GFOD1: variants seen among roughly 807,000 people sequenced by gnomAD.
GFOD1 encodes glucose-fructose oxidoreductase domain-containing protein 1.
Under a neutral mutation model 25.4 loss-of-function variants are expected in GFOD1, and 9 were observed. The observed-to-expected ratio is 0.35, with a 90% CI of 0.21 to 0.62. The LOEUF (loss-of-function observed/expected upper bound fraction) is 0.62. Ranked by LOEUF, GFOD1 falls within the 20% of genes least tolerant of loss-of-function variation. The pLI is 0.72. For synonymous variants in GFOD1, 253 were observed against 245.6 expected (o/e 1.03, Z -0.28); for missense variants, 403 against 556.9 (o/e 0.72, Z 2.78).
At chr6:13,415,286 G>C (rs149560497) in intron 1 of GFOD1, among the ~76,000 whole-genome samples, 2 of 152,172 alleles carry the variant, frequency 1.3e-5, no homozygotes, top group African/African-American at 4.8e-5. Context: ...TCTAGAATGT[G>C]CTTGCCTGTG....
At chr6:13,392,173 C>T (rs1047560410) in intron 1 of GFOD1, among the ~76,000 whole-genome samples, 3 of 151,670 alleles carry the variant, frequency 2.0e-5, no homozygotes, top group Non-Finnish European at 4.4e-5. Context: ...CCAGCCTGGG[C>T]GACACAACAA....
intron 1 of GFOD1, among the ~76,000 whole-genome samples, chr6:13,445,983 G>A (rs759696356): frequency 2.2e-4 from 33 of 152,212 alleles, no homozygotes; most frequent in Non-Finnish European, 3.5e-4. Flanking sequence ...GTGGCAGGAG[G>A]AAGGTTAGAG....
intron 1 of GFOD1, among the ~76,000 whole-genome samples, chr6:13,368,581 G>A (rs9463696): frequency 0.053 from 8,126 of 152,238 alleles, 716 homozygotes; most frequent in African/African-American, 0.18. Context: ...CACCCATTGG[G>A]TGTAGGCTCT....
intron 1 of GFOD1, among the ~76,000 whole-genome samples, chr6:13,454,214 G>A (rs144760821): frequency 1.1e-3 from 165 of 152,256 alleles, no homozygotes; most frequent in African/African-American, 3.7e-3. Context: ...CTCCCTCACA[G>A]CCCTCAGAAG....
chr6:13,404,343 A>C (rs1443684282), intron 1 of GFOD1, among the ~76,000 whole-genome samples: 1 of 152,248 alleles, frequency 6.6e-6, no homozygotes, highest in African/African-American at 2.4e-5. Flanking sequence ...GCAGCCAGCC[A>C]GGAAGACCGA....
Position 13,430,319 on chromosome 6 carries a change from C to T in GFOD1, c.253+56319G>A, listed in dbSNP as rs988960004. ...GGGCATGGTGGCACACATCTATAAT[C>T]CCAGCTACTTGGGAAGCTGAGGCAG... On this transcript the variant is annotated intron_variant, in intron 1 of 1. Coordinates refer to ENST00000379287, the MANE Select transcript of GFOD1 (RefSeq NM_018988.4). This position sits in a 1 kb window ranked among gnomAD's most constrained non-coding sequence, Gnocchi z 4.1. 1.2e-4 allele frequency among the ~76,000 whole-genome samples: 18 copies of T among 152,090 alleles called. No individual in the cohort carries two copies. Among genetic ancestry groups the T allele is most frequent in the Non-Finnish European group, 2.9e-5 (2 of 68,018 alleles).
intron 1 of GFOD1, chr6:13,470,189 A>G: frequency 6.3e-7 from 1 of 1,577,460 alleles, no homozygotes. Flanking sequence ...GCGCGCGATG[A>G]ACGCATCTAT....
chr6:13,470,835 ACT>A lies in GFOD1; in HGVS notation c.253+15801_253+15802del, dbSNP rs1584671472. Among the ~76,000 whole-genome samples, 5 of 152,228 alleles carry A rather than the reference ACT, an allele frequency of 3.3e-5. No homozygotes were observed. The East Asian group carries it at 9.6e-4, about 29-fold the overall frequency. ...CACACTGTAGTGTGTGTGCACTCAC[ACT>A]CTCACAAATGCACACTTACCTCTCC... On this transcript the variant is annotated intron_variant, in intron 1 of 1. Coordinates refer to ENST00000379287, the MANE Select transcript of GFOD1 (RefSeq NM_018988.4).
chr6:13,372,884 AT>A (rs1785178408), intron 1 of GFOD1, among the ~76,000 whole-genome samples: 1 of 152,130 alleles, frequency 6.6e-6, no homozygotes, highest in African/African-American at 2.4e-5. Flanking sequence ...ACAGCCCCTT[AT>A]CTTCTAGAAG....
chr6:13,375,420 G>A (rs552485082), intron 1 of GFOD1, among the ~76,000 whole-genome samples: 75 of 152,306 alleles, frequency 4.9e-4, no homozygotes, highest in Non-Finnish European at 9.1e-4. Context: ...AAACCAGGGC[G>A]GTGGGGATGG....
At chr6:13,428,713 G>A (rs563356395) in intron 1 of GFOD1, among the ~76,000 whole-genome samples, 59 of 152,256 alleles carry the variant, frequency 3.9e-4, no homozygotes, top group Non-Finnish European at 5.3e-4. Flanking sequence ...AGGGCGGGCG[G>A]CAGGAGTACT....
At chr6:13,422,590 T>C (rs1562214257) in intron 1 of GFOD1, among the ~76,000 whole-genome samples, 1 of 152,252 alleles carries the variant, frequency 6.6e-6, no homozygotes, top group Non-Finnish European at 1.5e-5. Context: ...TACGTGTCTC[T>C]ACTCCAATCC....
chr6:13,425,189 A>C (rs535230030), intron 1 of GFOD1, among the ~76,000 whole-genome samples: 4 of 151,924 alleles, frequency 2.6e-5, no homozygotes, highest in Non-Finnish European at 5.9e-5. Context: ...CAAACTCCTG[A>C]GCTCAAGGAA....
chr6:13,424,342 A>AGAT lies in GFOD1; in HGVS notation c.254-58683_254-58681dup, dbSNP rs531972565. On this transcript the variant is annotated intron_variant, in intron 1 of 1. Transcript: ENST00000379287. The stretch of plus-strand genomic sequence containing the variant: ...TTAACAGATTTGCCAAACATTAGGA[A>AGAT]GATGATGATGATGATGATGATGGTG... Among the ~76,000 whole-genome samples, 72 of 152,164 alleles carry AGAT rather than the reference A, an allele frequency of 4.7e-4. 1 individual carries two copies. Among genetic ancestry groups the AGAT allele is most frequent in the Admixed American group, 6.5e-4 (10 of 15,278 alleles).
intron 1 of GFOD1, among the ~76,000 whole-genome samples, chr6:13,367,593 T>C (rs1785071915): frequency 6.6e-6 from 1 of 152,180 alleles, no homozygotes; most frequent in East Asian, 1.9e-4. Context: ...AAAATGCCTC[T>C]CTGAGCCCTT....
chr6:13,453,164 G>A (rs1758127867), intron 1 of GFOD1, among the ~76,000 whole-genome samples: 1 of 152,206 alleles, frequency 6.6e-6, no homozygotes, highest in Admixed American at 6.5e-5. Flanking sequence ...TTCAAATTCA[G>A]AATTGAAGAT....
chr6:13,426,101 C>T (rs977365977), intron 1 of GFOD1, among the ~76,000 whole-genome samples: 3 of 152,192 alleles, frequency 2.0e-5, no homozygotes, highest in Non-Finnish European at 2.9e-5. Context: ...CCAGGGCACA[C>T]GATGCGAGAT....
At chr6:13,446,419 T>C (rs1015438226) in intron 1 of GFOD1, among the ~76,000 whole-genome samples, 5 of 152,140 alleles carry the variant, frequency 3.3e-5, no homozygotes, top group Admixed American at 3.3e-4. Context: ...TTATATCGAC[T>C]GGTGGCTGTG....
At chr6:13,444,649 C>T (rs180868533) in intron 1 of GFOD1, among the ~76,000 whole-genome samples, 22 of 151,908 alleles carry the variant, frequency 1.4e-4, no homozygotes, top group Admixed American at 5.2e-4. Context: ...TAATATAGAA[C>T]GTTTTATGTC....
Sources: allele counts gnomAD v4.1 joint callset (sites outside exome capture counted in the v4.1 genomes callset), GRCh38; gene constraint gnomAD v4.1.1; non-coding constraint Gnocchi (gnomAD v3.1); transcripts MANE v1.5; gene names NCBI Gene and HGNC (gene_info 2026-07-23, HGNC 2026-07-21).